The following SPECC1 variants were observed in gnomAD, a reference collection of about 807,000 sequenced individuals.
SPECC1 encodes cytospin-B.
SPECC1 carries 62 observed loss-of-function variants against 104.1 expected under a neutral mutation model. The ratio of observed to expected loss-of-function variants is 0.60; its 90% CI spans 0.49 to 0.74. The LOEUF (loss-of-function observed/expected upper bound fraction) is 0.74, where lower values mean the gene tolerates loss of function less well. Among genes scored for constraint, SPECC1 ranks in the 30% least tolerant of loss-of-function variants. The pLI is 0.00. For missense variants in SPECC1, 1,306 were observed against 1,310.5 expected, an observed-to-expected ratio of 1.00 and a Z score of 0.05; for synonymous variants, 513 against 501.6, an observed-to-expected ratio of 1.02 and a Z score of -0.30.
At chr17:20,044,954 A>G (rs996527425) in intron 1 of SPECC1, among the ~76,000 whole-genome samples, 1 of 152,244 alleles carries the variant, frequency 6.6e-6, no homozygotes, top group Non-Finnish European at 1.5e-5. Flanking sequence ...TATGATGAAT[A>G]AGAACTCTTT....
Position 20,303,131 on chromosome 17 carries a change from G to A in SPECC1, c.3058-2892G>A, listed in dbSNP as rs114661712. On this transcript the variant is annotated intron_variant, in intron 13 of 14. Coordinates refer to ENST00000395527, the MANE Select transcript of SPECC1 (RefSeq NM_001243439.2). ...GTAACGCTCTAGAAAGCAATGTTTG[G>A]CATTACATATTAAAAGCCATAAAAT... Among the ~76,000 whole-genome samples the A allele has an allele frequency of 4.4e-3, 676 of 152,216 alleles. 5 individuals are homozygous for A. The highest frequency in any genetic ancestry group is 0.015 in the African/African-American group (635 of 41,522).
chr17:20,093,430 G>A (rs538122302), intron 1 of SPECC1, among the ~76,000 whole-genome samples: 5 of 152,194 alleles, frequency 3.3e-5, no homozygotes, highest in Admixed American at 1.3e-4. Flanking sequence ...ACCTCGTAGG[G>A]TTACTGAGCT....
chr17:20,288,207 G>A (rs2041025846), intron 12 of SPECC1, among the ~76,000 whole-genome samples: 1 of 152,106 alleles, frequency 6.6e-6, no homozygotes, highest in African/African-American at 2.4e-5. Context: ...GGGCATTTGG[G>A]TTGATTCCTT....
chr17:20,220,597 C>T (rs1334369795), intron 4 of SPECC1, among the ~76,000 whole-genome samples: 1 of 140,820 alleles, frequency 7.1e-6, no homozygotes. Flanking sequence ...TAGTTTTTTC[C>T]AGATATCAAG....
intron 1 of SPECC1, among the ~76,000 whole-genome samples, chr17:20,062,855 T>G (rs974007749): frequency 4.6e-5 from 7 of 152,024 alleles, no homozygotes; most frequent in South Asian, 2.1e-4. Context: ...TCTCGGCTAA[T>G]TTTTGTATTT....
chr17:20,307,090 A>T lies in SPECC1; in HGVS notation c.3117+1008A>T, dbSNP rs147890659. ...CAATATGTGTTGCCAAACTCATTAG[A>T]TACAGCAGAAGAGAGAAATACTAAA... On this transcript the variant is annotated intron_variant, in intron 14 of 14. Transcript: ENST00000395527. 1.8e-3 allele frequency among the ~76,000 whole-genome samples: 277 copies of T among 152,362 alleles called. 5 individuals are homozygous for T. The highest frequency in any genetic ancestry group is 4.6e-4 in the Non-Finnish European group (31 of 68,042).
intron 1 of SPECC1, among the ~76,000 whole-genome samples, chr17:20,074,503 A>C (rs2046680859): frequency 6.6e-6 from 1 of 152,148 alleles, no homozygotes; most frequent in Non-Finnish European, 1.5e-5. Flanking sequence ...TCCTTGTCCC[A>C]CTGACTCTAA....
At chr17:20,022,925 A>T (rs947305515) in intron 1 of SPECC1, among the ~76,000 whole-genome samples, 12 of 152,240 alleles carry the variant, frequency 7.9e-5, no homozygotes, top group Non-Finnish European at 1.6e-4. Flanking sequence ...TCAGCATGGC[A>T]GCAGAATACT....
At chr17:20,257,006 T>C (rs2151582998) in intron 10 of SPECC1, among the ~76,000 whole-genome samples, 1 of 152,392 alleles carries the variant, frequency 6.6e-6, no homozygotes, top group East Asian at 1.9e-4. Context: ...TGGCCTTTTC[T>C]CTTGTCAAGT....
At chr17:20,298,666 A>G (rs2041436243) in intron 13 of SPECC1, among the ~76,000 whole-genome samples, 1 of 152,150 alleles carries the variant, frequency 6.6e-6, no homozygotes, top group Non-Finnish European at 1.5e-5. Context: ...TGTCTCAGAC[A>G]GAATCAACTG....
chr17:20,297,167 C>A, intron 13 of SPECC1, 90 bp downstream of exon 13: 2 of 1,110,718 alleles, frequency 1.8e-6, no homozygotes, highest in Non-Finnish European at 2.6e-6. Flanking sequence ...GCTTACAGGC[C>A]TGAAGTAGAA....
chr17:20,058,788 T>A (rs2046065482), intron 1 of SPECC1, among the ~76,000 whole-genome samples: 1 of 151,926 alleles, frequency 6.6e-6, no homozygotes, highest in South Asian at 2.1e-4. Flanking sequence ...GTGGGGGGAT[T>A]GTTTTGGAAT....
intron 1 of SPECC1, 27 bp from the exon 2 acceptor site, chr17:20,096,604 A>C: frequency 6.3e-7 from 1 of 1,580,008 alleles, no homozygotes; most frequent in Non-Finnish European, 8.6e-7. Flanking sequence ...TGATGGAGAC[A>C]TGTTTTTCTT....
rs548853989 is a variant in SPECC1 at position 20,073,219 on chromosome 17, C to T, written c.-21-23412C>T. On this transcript the variant is annotated intron_variant, in intron 1 of 14. Transcript: ENST00000395527. Reference sequence around the variant, plus strand: ...CCCGACTTCCCCTTCCCACCTAGAACTCACAGTGTTCACAGGGTCATGGCA... The same window carrying T: ...CCCGACTTCCCCTTCCCACCTAGAATTCACAGTGTTCACAGGGTCATGGCA... 6.6e-5 allele frequency among the ~76,000 whole-genome samples: 10 copies of T among 152,254 alleles called. No homozygotes were observed. The East Asian group carries it at 7.7e-4, about 12-fold the overall frequency.
At chr17:20,046,481 G>A (rs2045542301) in intron 1 of SPECC1, among the ~76,000 whole-genome samples, 1 of 152,122 alleles carries the variant, frequency 6.6e-6, no homozygotes, top group East Asian at 1.9e-4. Context: ...ATAAAGAAAT[G>A]AATAAATAGA....
chr17:20,094,309 C>T (rs937769149), intron 1 of SPECC1, among the ~76,000 whole-genome samples: 2 of 152,158 alleles, frequency 1.3e-5, no homozygotes, highest in African/African-American at 4.8e-5. Context: ...GAGCGGGCCA[C>T]CTGCCAACCC....
chr17:20,016,266 CT>C (rs1477053463), intron 1 of SPECC1, among the ~76,000 whole-genome samples: 3 of 150,546 alleles, frequency 2.0e-5, no homozygotes, highest in African/African-American at 4.9e-5. Context: ...CAAAACCAGA[CT>C]GTATTAAAAA....
chr17:20,310,609 C>T (rs1445828226), intron 14 of SPECC1, among the ~76,000 whole-genome samples: 2 of 152,212 alleles, frequency 1.3e-5, no homozygotes, highest in Admixed American at 6.5e-5. Flanking sequence ...GTCATAAAAA[C>T]GGCCAAAACA....
chr17:20,116,952 C>T (rs1359445989), intron 3 of SPECC1, among the ~76,000 whole-genome samples: 4 of 151,650 alleles, frequency 2.6e-5, no homozygotes, highest in African/African-American at 9.7e-5. Context: ...AAAATGTCAA[C>T]AGTACTGCTG....
Sources: gnomAD v4.1 joint callset for allele counts (sites outside exome capture counted in the v4.1 genomes callset) on GRCh38, gnomAD v4.1.1 for gene constraint, MANE v1.5 for transcripts, NCBI Gene and HGNC (gene_info 2026-07-23, HGNC 2026-07-21) for gene names.